Variants in SHANK2 observed in about 807,000 individuals in gnomAD.
SHANK2 encodes the protein SH3 and multiple ankyrin repeat domains 2, also known as SH3 and multiple ankyrin repeat domains protein 2.
In SHANK2, 43 loss-of-function variants were observed where a neutral mutation model predicts 133.7. That is an observed-to-expected ratio of 0.32 (90% CI 0.25 to 0.41). The LOEUF (loss-of-function observed/expected upper bound fraction) is 0.41, where lower values mean the gene tolerates loss of function less well. Among genes scored for constraint, SHANK2 ranks in the 10% least tolerant of loss-of-function variants. SHANK2 has a pLI of 1.00. For missense variants in SHANK2, 1,994 were observed against 2,235.8 expected (o/e 0.89, Z 2.18); for synonymous variants, 1,017 against 952.8 (o/e 1.07, Z -1.24).
chr11:70,632,203 G>C lies in SHANK2; in HGVS notation c.2061+27625C>G, dbSNP rs570262669. ...GTGGCGCGATCTCGGCTCACTGCAA[G>C]CTCTGCCTCCCGGGTTCATGCCATT... On this transcript the variant is annotated intron_variant, in intron 17 of 25. Transcript: ENST00000601538. Among the ~76,000 whole-genome samples, 152 of 152,194 alleles carry C rather than the reference G, an allele frequency of 1.0e-3. 1 individual carries two copies. Among genetic ancestry groups the C allele is most frequent in the Non-Finnish European group, 1.9e-3 (126 of 68,004 alleles).
At chr11:70,543,391 G>A (rs985224438) in intron 17 of SHANK2, among the ~76,000 whole-genome samples, 4 of 152,136 alleles carry the variant, frequency 2.6e-5, no homozygotes, top group Non-Finnish European at 5.9e-5. Flanking sequence ...GGAATTTTCC[G>A]CCCTGCCCTC....
chr11:71,163,093 A>AAAAATATATATATATATATATATAT, intron 2 of SHANK2, among the ~76,000 whole-genome samples: 6 of 84,678 alleles, frequency 7.1e-5, no homozygotes, highest in African/African-American at 2.3e-4. Context: ...AAAAAAAAAA[A>AAAAATATATATATATATATATATAT]ATACATATAT....
intron 17 of SHANK2, among the ~76,000 whole-genome samples, chr11:70,564,920 G>T (rs1257517926): frequency 6.6e-6 from 1 of 152,136 alleles, no homozygotes; most frequent in East Asian, 1.9e-4. Context: ...ATTCCAGTGG[G>T]CTTTCAAAAT....
chr11:70,750,777 G>C (rs191785761), intron 14 of SHANK2, among the ~76,000 whole-genome samples: 114 of 152,306 alleles, frequency 7.5e-4, no homozygotes, highest in African/African-American at 2.7e-3. Context: ...AGCTTGGCGA[G>C]TGTCTGTGCA....
rs140999681 is a variant in SHANK2, at chr11:70,595,338, G to A, written c.2061+64490C>T. ...CCTCGCAGCCAGCCGAGGCCGCTGC[G>A]TTTGTTAAAAATACGCAGCACCATC... On this transcript the variant is annotated intron_variant, in intron 17 of 25. Coordinates refer to ENST00000601538, the MANE Select transcript of SHANK2 (RefSeq NM_012309.5). Among the ~76,000 whole-genome samples the A allele has an allele frequency of 6.6e-5, 10 of 152,312 alleles. No homozygotes were observed. In the East Asian group the frequency reaches 7.7e-4, roughly 12 times the overall value.
intron 14 of SHANK2, among the ~76,000 whole-genome samples, chr11:70,746,922 C>T (rs1319993286): frequency 5.3e-5 from 8 of 151,580 alleles, no homozygotes; most frequent in Non-Finnish European, 1.0e-4. Flanking sequence ...TGCTTCCCTC[C>T]ACCGCTGTAC....
chr11:70,659,344 T>C (rs560585345), intron 17 of SHANK2, among the ~76,000 whole-genome samples: 18 of 152,284 alleles, frequency 1.2e-4, no homozygotes, highest in African/African-American at 4.3e-4. Context: ...CCATCGTCCA[T>C]CTGATGGGGT....
intron 14 of SHANK2, among the ~76,000 whole-genome samples, chr11:70,775,289 C>G (rs1565308019): frequency 6.6e-6 from 1 of 152,098 alleles, no homozygotes; most frequent in Non-Finnish European, 1.5e-5. Flanking sequence ...AACCCCGTCT[C>G]TACTAAAAAC....
chr11:71,181,669 C>T (rs1299238792), intron 2 of SHANK2, among the ~76,000 whole-genome samples: 1 of 152,096 alleles, frequency 6.6e-6, no homozygotes, highest in African/African-American at 2.4e-5. Flanking sequence ...TGGTGAAGCA[C>T]TGCAATACCC....
In SHANK2 at chr11:70,690,849, T is replaced by C. The variant is rs1391568134; in HGVS notation, c.1853+7839A>G. On this transcript the variant is annotated intron_variant, in intron 15 of 25. Transcript: ENST00000601538. Reference sequence around the variant, plus strand: ...AAAATTGGAGGTGAGGGTCAAACTATGAAAGCCTCATTTTTTCCAGCAATG... The same window carrying C: ...AAAATTGGAGGTGAGGGTCAAACTACGAAAGCCTCATTTTTTCCAGCAATG... Among the ~76,000 whole-genome samples the C allele has an allele frequency of 2.0e-5, 3 of 152,056 alleles. No individual in the cohort carries two copies. In the East Asian group the frequency reaches 5.8e-4, roughly 29 times the overall value.
chr11:70,517,978 C>G (rs1160357510), intron 17 of SHANK2, among the ~76,000 whole-genome samples: 2 of 152,140 alleles, frequency 1.3e-5, no homozygotes, highest in African/African-American at 4.8e-5. Flanking sequence ...TGTGGCAAGT[C>G]GGTACTTTTC....
At position 70,743,097 on chromosome 11, in the gene SHANK2, C is replaced by T. The variant is rs192002667; in HGVS notation, c.1778-44334G>A. On this transcript the variant is annotated intron_variant, in intron 14 of 25. Transcript: ENST00000601538. ...TGCCTGAGGACCAGCGTGCATCTGC[C>T]GGTGCTGAGCGGTGGGGACACAAAG... is the stretch of plus-strand genomic sequence containing the variant. Among the ~76,000 whole-genome samples the T allele has an allele frequency of 1.2e-3, 186 of 152,188 alleles. 1 individual carries two copies. The highest frequency in any genetic ancestry group is 4.0e-3 in the African/African-American group (166 of 41,498).
In SHANK2 at chr11:70,757,648, G is replaced by C. The variant is rs79362297; in HGVS notation, c.1777+40795C>G. Among the ~76,000 whole-genome samples, 110 of 152,344 alleles carry C rather than the reference G, an allele frequency of 7.2e-4. 1 individual carries two copies. In the East Asian group the frequency reaches 0.02, roughly 28 times the overall value. On this transcript the variant is annotated intron_variant, in intron 14 of 25. Transcript: ENST00000601538. ...TTTCCTAGTGGGTGGGGAATGTGCTGTGTCCCCTCAAGGAGAGAGGGAGGG... is the reference window on the plus strand; with the variant it reads ...TTTCCTAGTGGGTGGGGAATGTGCTCTGTCCCCTCAAGGAGAGAGGGAGGG...
At chr11:70,944,851 T>C (rs1383891901) in intron 10 of SHANK2, among the ~76,000 whole-genome samples, 4 of 152,220 alleles carry the variant, frequency 2.6e-5, no homozygotes, top group African/African-American at 4.8e-5. Context: ...CCTCCTTGTG[T>C]TCATCTCCAA....
chr11:71,172,395 C>T (rs1438254931), intron 2 of SHANK2, among the ~76,000 whole-genome samples: 4 of 151,910 alleles, frequency 2.6e-5, no homozygotes, highest in Non-Finnish European at 4.4e-5. Flanking sequence ...GTCAGGAGTT[C>T]GAGACCAGCT....
chr11:71,213,163 T>C (rs782046522), intron 2 of SHANK2, among the ~76,000 whole-genome samples: 4 of 151,548 alleles, frequency 2.6e-5, no homozygotes, highest in Non-Finnish European at 4.4e-5. Flanking sequence ...CAAGCAAAGG[T>C]GGAAAAGGAG....
intron 17 of SHANK2, among the ~76,000 whole-genome samples, chr11:70,610,308 C>T (rs1412611319): frequency 2.0e-5 from 3 of 152,014 alleles, no homozygotes; most frequent in Non-Finnish European, 2.9e-5. Context: ...CCTCTTAATA[C>T]GAGGCGTGCA....
chr11:70,714,751 G>A (rs1040539149), intron 14 of SHANK2, among the ~76,000 whole-genome samples: 1 of 151,970 alleles, frequency 6.6e-6, no homozygotes, highest in Non-Finnish European at 1.5e-5. Flanking sequence ...TCCTCCCTAC[G>A]GCATTTTTCT....
intron 10 of SHANK2, among the ~76,000 whole-genome samples, chr11:70,902,995 G>T (rs564584296): frequency 6.6e-6 from 1 of 152,114 alleles, no homozygotes; most frequent in Non-Finnish European, 1.5e-5. Context: ...TCTACCAGCT[G>T]GGGGAGAAGG....
Sources: allele counts gnomAD v4.1 joint callset (sites outside exome capture counted in the v4.1 genomes callset), GRCh38; gene constraint gnomAD v4.1.1; transcripts MANE v1.5; gene names NCBI Gene and HGNC (gene_info 2026-07-23, HGNC 2026-07-21).